Variants in FOXO1 observed in about 807,000 individuals in gnomAD.
The protein encoded by FOXO1 is forkhead box O1, also known as forkhead box protein O1.
FOXO1 carries 6 observed loss-of-function variants against 44.1 expected under a neutral mutation model. That is an observed-to-expected ratio of 0.14 (90% confidence interval 0.07 to 0.27). FOXO1 has a LOEUF of 0.27. Among genes scored for constraint, FOXO1 ranks in the 10% least tolerant of loss-of-function variants. The probability of loss-of-function intolerance (pLI) is 1.00; values close to 1 mark genes in which losing one functional copy is unlikely to be tolerated. For missense variants in FOXO1, 737 were observed against 888.8 expected (o/e 0.83, Z 2.17); for synonymous variants, 380 against 362.7 (o/e 1.05, Z -0.54).
intron 1 of FOXO1, among the ~76,000 whole-genome samples, chr13:40,575,570 T>TC (rs1874714122): frequency 6.6e-6 from 1 of 152,250 alleles, no homozygotes; most frequent in Non-Finnish European, 1.5e-5. Flanking sequence ...GTAAAGTATT[T>TC]CAATCAACTG....
chr13:40,600,101 T>G (rs1465013613), intron 1 of FOXO1, among the ~76,000 whole-genome samples: 1 of 152,178 alleles, frequency 6.6e-6, no homozygotes, highest in African/African-American at 2.4e-5. Context: ...AAAACTATCC[T>G]CACCTAAAAA....
chr13:40,664,168 G>C (rs944317807), intron 1 of FOXO1, among the ~76,000 whole-genome samples: 1 of 152,226 alleles, frequency 6.6e-6, no homozygotes, highest in Non-Finnish European at 1.5e-5. Flanking sequence ...AGCTACTCGG[G>C]AGGCTGAGAC....
At chr13:40,640,886 C>T (rs1230952181) in intron 1 of FOXO1, among the ~76,000 whole-genome samples, 1 of 152,054 alleles carries the variant, frequency 6.6e-6, no homozygotes, top group Non-Finnish European at 1.5e-5. Flanking sequence ...TGGGTTCAAG[C>T]CATTCTCCTG....
At chr13:40,630,325 T>C (rs1876920140) in intron 1 of FOXO1, among the ~76,000 whole-genome samples, 1 of 152,034 alleles carries the variant, frequency 6.6e-6, no homozygotes, top group Admixed American at 6.6e-5. Context: ...TTGTTCTTCT[T>C]TTTGTTCCCA....
At chr13:40,573,021 T>G (rs9549236) in intron 1 of FOXO1, among the ~76,000 whole-genome samples, 1 of 151,980 alleles carries the variant, frequency 6.6e-6, no homozygotes, top group African/African-American at 2.4e-5. Context: ...AAAGCCTCCA[T>G]GACTCCTCCT....
chr13:40,566,286 T>C (rs1874265481), intron 1 of FOXO1, among the ~76,000 whole-genome samples: 1 of 152,046 alleles, frequency 6.6e-6, no homozygotes, highest in African/African-American at 2.4e-5. Context: ...TGAGGACACA[T>C]GCCCTCCCCA....
chr13:40,587,341 T>TAGTGAAAGATTGATTATCCGTGAAAGG (rs1875206664), intron 1 of FOXO1, among the ~76,000 whole-genome samples: 1 of 147,306 alleles, frequency 6.8e-6, no homozygotes, highest in African/African-American at 2.5e-5. Flanking sequence ...TACGAACAGA[T>TAGTGAAAGATTGATTATCCGTGAAAGG]AGTGAAAGAT....
chr13:40,619,346 T>A, intron 1 of FOXO1: 1 of 576,126 alleles, frequency 1.7e-6, no homozygotes, highest in Non-Finnish European at 3.1e-6. Context: ...GACTCAGAAG[T>A]CCCCAGAGAA....
chr13:40,564,011 G>T (rs1874157556), intron 1 of FOXO1, among the ~76,000 whole-genome samples: 1 of 152,136 alleles, frequency 6.6e-6, no homozygotes, highest in South Asian at 2.1e-4. Context: ...TGAAATCTCT[G>T]GAGGAGAGGA....
intron 1 of FOXO1, among the ~76,000 whole-genome samples, chr13:40,603,924 T>A (rs550045713): frequency 2.6e-5 from 4 of 152,336 alleles, no homozygotes; most frequent in African/African-American, 9.6e-5. Flanking sequence ...GAGCTTAGCT[T>A]TAGCAGTCAG....
At chr13:40,625,466 C>T (rs977947958) in intron 1 of FOXO1, among the ~76,000 whole-genome samples, 1 of 152,082 alleles carries the variant, frequency 6.6e-6, no homozygotes, top group African/African-American at 2.4e-5. Context: ...CACAATTTCC[C>T]ACTGTTAACA....
chr13:40,648,674 C>A (rs2137930684), intron 1 of FOXO1, among the ~76,000 whole-genome samples: 1 of 152,226 alleles, frequency 6.6e-6, no homozygotes, highest in East Asian at 1.9e-4. Context: ...CAAGGGAATT[C>A]CACCTAAATT....
At chr13:40,620,266 C>A in intron 1 of FOXO1, 1 of 1,337,146 alleles carries the variant, frequency 7.5e-7, no homozygotes. Context: ...AAATAGAGAT[C>A]AGGACAGTAT....
At chr13:40,586,667 T>C (rs1043459847) in intron 1 of FOXO1, among the ~76,000 whole-genome samples, 1 of 152,224 alleles carries the variant, frequency 6.6e-6, no homozygotes, top group African/African-American at 2.4e-5. Flanking sequence ...TCATTTCTCA[T>C]TTGCTTATCA....
chr13:40,625,970 CATTTT>C (rs1593405673), intron 1 of FOXO1, among the ~76,000 whole-genome samples: 1 of 152,100 alleles, frequency 6.6e-6, no homozygotes, highest in Non-Finnish European at 1.5e-5. Context: ...GTCTTCACTA[CATTTT>C]ATTTTATCTT....
chr13:40,568,531 A>G (rs1292386264), intron 1 of FOXO1, among the ~76,000 whole-genome samples: 1 of 152,230 alleles, frequency 6.6e-6, no homozygotes, highest in Non-Finnish European at 1.5e-5. Flanking sequence ...AAACAGAAGG[A>G]AAACATGACC....
At chr13:40,655,634 CTTCTTT>C (rs1877833140) in intron 1 of FOXO1, among the ~76,000 whole-genome samples, 1 of 115,226 alleles carries the variant, frequency 8.7e-6, no homozygotes, top group Non-Finnish European at 1.7e-5. Context: ...GTTTTCTACA[CTTCTTT>C]TTTTTTTTTT....
chr13:40,589,720 T>C (rs1875299167), intron 1 of FOXO1, among the ~76,000 whole-genome samples: 1 of 152,232 alleles, frequency 6.6e-6, no homozygotes, highest in African/African-American at 2.4e-5. Flanking sequence ...ACAGTAACTT[T>C]CTGGAAGTTA....
intron 1 of FOXO1, among the ~76,000 whole-genome samples, chr13:40,625,004 T>C (rs768125155): frequency 6.6e-5 from 10 of 152,184 alleles, no homozygotes; most frequent in Admixed American, 1.3e-4. Flanking sequence ...TCTAGTAATA[T>C]AAAAAGTTTT....
Sources: gnomAD v4.1 joint callset for allele counts (sites outside exome capture counted in the v4.1 genomes callset) on GRCh38, gnomAD v4.1.1 for gene constraint, MANE v1.5 for transcripts, NCBI Gene and HGNC (gene_info 2026-07-23, HGNC 2026-07-21) for gene names.